The following PRICKLE1 variants were observed in gnomAD, a reference collection of about 807,000 sequenced individuals.
PRICKLE1 encodes the protein prickle-like protein 1.
PRICKLE1 carries 14 observed loss-of-function variants against 70.2 expected under a neutral mutation model. The ratio of observed to expected loss-of-function variants is 0.20; its 90% CI spans 0.13 to 0.31. PRICKLE1 has a LOEUF of 0.31. Among genes scored for constraint, PRICKLE1 ranks in the 10% least tolerant of loss-of-function variants. PRICKLE1 has a pLI of 1.00. For synonymous variants in PRICKLE1, 357 were observed against 379.9 expected (o/e 0.94, Z 0.70); for missense variants, 821 against 1,026.2 (o/e 0.80, Z 2.73).
chr12:42,514,907 A>G (rs551828696), intron 1 of PRICKLE1, among the ~76,000 whole-genome samples: 284 of 111,366 alleles, frequency 2.6e-3, no homozygotes, highest in African/African-American at 7.0e-3. Flanking sequence ...CTATCTATCT[A>G]TCTATCTATC....
At chr12:42,520,614 G>A (rs902665211) in intron 1 of PRICKLE1, among the ~76,000 whole-genome samples, 1 of 152,136 alleles carries the variant, frequency 6.6e-6, no homozygotes, top group African/African-American at 2.4e-5. Context: ...TTTGATTGAG[G>A]CTTCACTTTA....
At chr12:42,531,525 CCTA>C (rs1466000091) in intron 1 of PRICKLE1, among the ~76,000 whole-genome samples, 2 of 152,102 alleles carry the variant, frequency 1.3e-5, no homozygotes, top group African/African-American at 4.8e-5. Context: ...TAAAAATATG[CCTA>C]CTGTTAATCT....
chr12:42,536,274 A>T (rs1940015865), intron 1 of PRICKLE1, among the ~76,000 whole-genome samples: 1 of 152,232 alleles, frequency 6.6e-6, no homozygotes, highest in Non-Finnish European at 1.5e-5. Flanking sequence ...GAAAGAAATT[A>T]ATCCAGGAAA....
At chr12:42,477,390 A>AACAAAATAT (rs112727571) in intron 1 of PRICKLE1, among the ~76,000 whole-genome samples, 1 of 145,266 alleles carries the variant, frequency 6.9e-6, no homozygotes, top group African/African-American at 2.5e-5. Context: ...AACAAAACAA[A>AACAAAATAT]ATATATATAT....
At chr12:42,520,961 A>G (rs193135921) in intron 1 of PRICKLE1, among the ~76,000 whole-genome samples, 309 of 152,294 alleles carry the variant, frequency 2.0e-3, no homozygotes, top group African/African-American at 7.0e-3. Context: ...ACTTGAGGTC[A>G]GGAGTACGAG....
chr12:42,540,424 G>A (rs2120594510), intron 1 of PRICKLE1, among the ~76,000 whole-genome samples: 1 of 152,276 alleles, frequency 6.6e-6, no homozygotes, highest in East Asian at 1.9e-4. Context: ...AGGATTGTTA[G>A]GAGCATTAAA....
chr12:42,504,258 C>T (rs1001428198), intron 1 of PRICKLE1, among the ~76,000 whole-genome samples: 5 of 152,160 alleles, frequency 3.3e-5, no homozygotes, highest in Non-Finnish European at 7.3e-5. Context: ...GAGTCCTGGG[C>T]ATGGTGCCAA....
chr12:42,467,883 C>G (rs1273674979), intron 5 of PRICKLE1, among the ~76,000 whole-genome samples: 5 of 152,006 alleles, frequency 3.3e-5, no homozygotes, highest in Non-Finnish European at 7.4e-5. Context: ...TAAGAAGATA[C>G]AACGAGTAAA....
chr12:42,578,520 A>G (rs557039532), intron 1 of PRICKLE1, among the ~76,000 whole-genome samples: 1 of 152,118 alleles, frequency 6.6e-6, no homozygotes, highest in East Asian at 1.9e-4. Flanking sequence ...ATCACTTGGG[A>G]GTGTGGAAAA....
intron 1 of PRICKLE1, among the ~76,000 whole-genome samples, chr12:42,524,463 G>T (rs1414644564): frequency 6.6e-6 from 1 of 152,138 alleles, no homozygotes; most frequent in South Asian, 2.1e-4. Context: ...ACCCAGGCTG[G>T]AGTGCAGTGG....
At chr12:42,536,290 G>C (rs1192989277) in intron 1 of PRICKLE1, among the ~76,000 whole-genome samples, 1 of 152,196 alleles carries the variant, frequency 6.6e-6, no homozygotes. Context: ...GGAAACTGGG[G>C]ATAGAATGTA....
At chr12:42,496,037 G>A (rs1939195611) in intron 1 of PRICKLE1, among the ~76,000 whole-genome samples, 1 of 152,190 alleles carries the variant, frequency 6.6e-6, no homozygotes, top group Non-Finnish European at 1.5e-5. Context: ...AAAGTTTTCA[G>A]TTTACTTTGC....
At chr12:42,469,785 CTTT>C in intron 3 of PRICKLE1, 198 bp from the exon 4 acceptor site, 1 of 636,180 alleles carries the variant, frequency 1.6e-6, no homozygotes, top group Non-Finnish European at 2.7e-6. Flanking sequence ...TGAAGGAATA[CTTT>C]TTTTTTAAAT....
chr12:42,491,446 G>C (rs1214543283), intron 1 of PRICKLE1, among the ~76,000 whole-genome samples: 1 of 151,584 alleles, frequency 6.6e-6, no homozygotes, highest in Non-Finnish European at 1.5e-5. Flanking sequence ...CCAGCTTCTC[G>C]GGAGGCTGAG....
chr12:42,559,588 A>ATG lies in PRICKLE1; in HGVS notation c.-49+29875_-49+29876dup, dbSNP rs201385279. Among the ~76,000 whole-genome samples the ATG allele has an allele frequency of 5.7e-3, 729 of 129,018 alleles. 15 individuals carry two copies. Among genetic ancestry groups the ATG allele is most frequent in the East Asian group, 0.052 (207 of 3,982 alleles). The allele number at this position is 129,018 out of a possible 152,430, so 84.6% of individuals were successfully genotyped here. A position where few individuals can be genotyped will look rare whatever the true frequency, so the allele number is the denominator to read the frequency against. On this transcript the variant is annotated intron_variant, in intron 1 of 7. Transcript: ENST00000345127. ...AATGTATATATATATGTGTGTGTTT[A>ATG]TGTGTGTGTGTGTGTGTGTATATAT...
chr12:42,495,693 A>G (rs1334921094), intron 1 of PRICKLE1, among the ~76,000 whole-genome samples: 1 of 151,658 alleles, frequency 6.6e-6, no homozygotes, highest in Non-Finnish European at 1.5e-5. Context: ...GGTTCAAGTG[A>G]TTATCCTGCC....
chr12:42,469,614 C>A (rs761702000), intron 3 of PRICKLE1, 27 bp from the exon 4 acceptor site: 1 of 1,613,448 alleles, frequency 6.2e-7, no homozygotes, highest in South Asian at 1.1e-5. Flanking sequence ...ACAGAAACAC[C>A]ACACTGAGTG....
chr12:42,524,591 T>C (rs557605580), intron 1 of PRICKLE1, among the ~76,000 whole-genome samples: 182 of 152,150 alleles, frequency 1.2e-3, no homozygotes, highest in South Asian at 2.7e-3. Context: ...TTTGTATTTT[T>C]AGTAGAGATG....
At chr12:42,532,821 C>A (rs545571514) in intron 1 of PRICKLE1, among the ~76,000 whole-genome samples, 7 of 148,470 alleles carry the variant, frequency 4.7e-5, no homozygotes, top group African/African-American at 1.7e-4. Context: ...GGTGTGAACC[C>A]GGGAGGCGGA....
Sources: gnomAD v4.1 joint callset for allele counts (sites outside exome capture counted in the v4.1 genomes callset) on GRCh38, gnomAD v4.1.1 for gene constraint, MANE v1.5 for transcripts, NCBI Gene and HGNC (gene_info 2026-07-23, HGNC 2026-07-21) for gene names.